Variants in BORCS5 observed in about 807,000 individuals in gnomAD.
BORCS5 encodes the protein BLOC-1 related complex subunit 5.
A neutral mutation model predicts 22.1 loss-of-function variants in BORCS5; 17 were observed. That is an observed-to-expected ratio of 0.77 (90% CI 0.53 to 1.15). BORCS5 has a LOEUF of 1.15. BORCS5 is among the 50% of genes most tolerant of loss of function. The probability of loss-of-function intolerance (pLI) is 0.00; values close to 1 mark genes in which losing one functional copy is unlikely to be tolerated. For synonymous variants in BORCS5, 117 were observed against 99.8 expected (o/e 1.17, Z -1.03); for missense variants, 247 against 253.2 (o/e 0.98, Z 0.17).
intron 2 of BORCS5, among the ~76,000 whole-genome samples, chr12:12,410,103 T>C (rs1941691493): frequency 7.0e-6 from 1 of 143,172 alleles, no homozygotes; most frequent in Non-Finnish European, 1.5e-5. Context: ...TTTGTTTGAG[T>C]TCATTGTAGA....
intron 2 of BORCS5, among the ~76,000 whole-genome samples, chr12:12,369,697 A>G (rs1252369876): frequency 9.9e-6 from 1 of 100,768 alleles, no homozygotes; most frequent in Non-Finnish European, 2.0e-5. Context: ...GTGTGGTTTC[A>G]TTCACCCCCC....
intron 2 of BORCS5, among the ~76,000 whole-genome samples, chr12:12,418,690 A>G (rs921314807): frequency 3.9e-5 from 6 of 152,162 alleles, no homozygotes; most frequent in Non-Finnish European, 7.3e-5. Context: ...CTCTTTCAGT[A>G]TAGCTCTTTT....
chr12:12,437,279 C>T (rs188774450), intron 3 of BORCS5, among the ~76,000 whole-genome samples: 30 of 152,268 alleles, frequency 2.0e-4, no homozygotes, highest in African/African-American at 6.0e-4. Context: ...TCTTGCCTGC[C>T]GCCATGTAAG....
At chr12:12,399,058 C>G (rs901051428) in intron 2 of BORCS5, among the ~76,000 whole-genome samples, 1 of 152,118 alleles carries the variant, frequency 6.6e-6, no homozygotes, top group Non-Finnish European at 1.5e-5. Context: ...AGAGGCCTTC[C>G]TTCTTCCAGA....
chr12:12,379,831 G>T (rs956037545), intron 2 of BORCS5, among the ~76,000 whole-genome samples: 1 of 151,366 alleles, frequency 6.6e-6, no homozygotes, highest in Non-Finnish European at 1.5e-5. Context: ...TTAAGAACTT[G>T]TCCTTTGCAT....
chr12:12,427,007 C>G (rs1277339043), intron 2 of BORCS5, among the ~76,000 whole-genome samples: 2 of 152,048 alleles, frequency 1.3e-5, no homozygotes, highest in Admixed American at 1.3e-4. Flanking sequence ...GTTGCCCCCT[C>G]GAGGTTAGCA....
chr12:12,426,549 C>G (rs1174023170), intron 2 of BORCS5, among the ~76,000 whole-genome samples: 1 of 152,178 alleles, frequency 6.6e-6, no homozygotes, highest in African/African-American at 2.4e-5. Context: ...GGGCCACTGG[C>G]CATGGCCAAA....
intron 3 of BORCS5, among the ~76,000 whole-genome samples, chr12:12,451,929 TAAA>T (rs34066948): frequency 7.5e-6 from 1 of 134,034 alleles, no homozygotes; most frequent in Non-Finnish European, 1.6e-5. Context: ...AAAAAAAAAT[TAAA>T]AAAAAAAAAA....
At chr12:12,375,978 T>G (rs1222111884) in intron 2 of BORCS5, among the ~76,000 whole-genome samples, 1 of 151,854 alleles carries the variant, frequency 6.6e-6, no homozygotes, top group Non-Finnish European at 1.5e-5. Context: ...CTAATTTCTG[T>G]ATTTTTAGTG....
Position 12,359,792 on chromosome 12 carries a change from G to A in BORCS5, c.59-1414G>A, listed in dbSNP as rs143658978. Among the ~76,000 whole-genome samples the A allele has an allele frequency of 1.9e-3, 292 of 152,208 alleles. 1 individual carries two copies. Among genetic ancestry groups the A allele is most frequent in the Non-Finnish European group, 2.4e-3 (161 of 68,018 alleles). On this transcript the variant is annotated intron_variant, in intron 1 of 3. Coordinates refer to ENST00000314565, the MANE Select transcript of BORCS5 (RefSeq NM_058169.6). Reference sequence around the variant, plus strand: ...ATAGCTGGCTTGATGTGGTAGGGTGGATAGACAGCTTTGCAACTCCAGTGT... The same window carrying A: ...ATAGCTGGCTTGATGTGGTAGGGTGAATAGACAGCTTTGCAACTCCAGTGT...
At chr12:12,456,226 G>T (rs1304228772) in intron 3 of BORCS5, among the ~76,000 whole-genome samples, 1 of 152,220 alleles carries the variant, frequency 6.6e-6, no homozygotes, top group Non-Finnish European at 1.5e-5. Context: ...TGGGCCAGGA[G>T]TTTGGAGATC....
At chr12:12,428,596 A>T (rs371325114) in intron 2 of BORCS5, among the ~76,000 whole-genome samples, 1 of 152,348 alleles carries the variant, frequency 6.6e-6, no homozygotes. Flanking sequence ...ACTGAAGGCA[A>T]TGGCCCTGTT....
intron 2 of BORCS5, among the ~76,000 whole-genome samples, chr12:12,394,815 C>T (rs1941291816): frequency 6.6e-6 from 1 of 152,050 alleles, no homozygotes; most frequent in Non-Finnish European, 1.5e-5. Flanking sequence ...GTGCCAAGTG[C>T]TACACTGGTT....
chr12:12,417,749 C>A (rs1317627382), intron 2 of BORCS5, among the ~76,000 whole-genome samples: 6 of 151,916 alleles, frequency 3.9e-5, no homozygotes, highest in Non-Finnish European at 8.8e-5. Flanking sequence ...TCTGCCTCCT[C>A]ATTGATCCTC....
chr12:12,372,779 T>G (rs1164797999), intron 2 of BORCS5, among the ~76,000 whole-genome samples: 2 of 152,110 alleles, frequency 1.3e-5, no homozygotes, highest in Admixed American at 6.6e-5. Flanking sequence ...GCCTACTGCT[T>G]CTCTCTAGTT....
At chr12:12,396,282 C>T (rs1050066433) in intron 2 of BORCS5, among the ~76,000 whole-genome samples, 1 of 152,236 alleles carries the variant, frequency 6.6e-6, no homozygotes, top group African/African-American at 2.4e-5. Flanking sequence ...CAACCGTGCC[C>T]AGTGGGAGAT....
At chr12:12,451,873 G>T (rs532631190) in intron 3 of BORCS5, among the ~76,000 whole-genome samples, 109 of 146,738 alleles carry the variant, frequency 7.4e-4, no homozygotes, top group African/African-American at 2.7e-3. Context: ...AGCCGAGATC[G>T]CACCACTGCA....
intron 2 of BORCS5, among the ~76,000 whole-genome samples, chr12:12,409,940 T>C (rs1462511296): frequency 3.3e-5 from 5 of 152,252 alleles, no homozygotes; most frequent in Admixed American, 3.3e-4. Context: ...TGTGAGATGG[T>C]ATCTCATTGT....
chr12:12,457,182 C>T (rs1226977111), intron 3 of BORCS5, among the ~76,000 whole-genome samples: 4 of 152,182 alleles, frequency 2.6e-5, no homozygotes, highest in East Asian at 1.9e-4. Context: ...TTAATTCTCA[C>T]GTCAACCCTA....
Sources: gnomAD v4.1 joint callset for allele counts (sites outside exome capture counted in the v4.1 genomes callset) on GRCh38, gnomAD v4.1.1 for gene constraint, MANE v1.5 for transcripts, NCBI Gene and HGNC (gene_info 2026-07-23, HGNC 2026-07-21) for gene names.